RNF13: variants seen among roughly 807,000 people sequenced by gnomAD.
RNF13 encodes the protein E3 ubiquitin-protein ligase RNF13.
A neutral mutation model predicts 37.7 loss-of-function variants in RNF13; 19 were observed. That is an observed-to-expected ratio of 0.50 (90% CI 0.35 to 0.74). The LOEUF (loss-of-function observed/expected upper bound fraction) is 0.74, where lower values mean the gene tolerates loss of function less well. RNF13 is among the 30% of genes least tolerant of loss of function. The pLI is 0.01. For synonymous variants in RNF13, 144 were observed against 157.8 expected (o/e 0.91, Z 0.65); for missense variants, 375 against 453.0 (o/e 0.83, Z 1.56).
At chr3:149,949,929 A>G (rs565473710) in intron 8 of RNF13, among the ~76,000 whole-genome samples, 1 of 152,032 alleles carries the variant, frequency 6.6e-6, no homozygotes, top group African/African-American at 2.4e-5. Flanking sequence ...CATTATGCAT[A>G]TGCTACATTT....
rs375684227 is a variant in RNF13 at position 149,900,856 on chromosome 3, TGAGA to T, written c.410-1205_410-1202del. ...GCGCATGTGTGCGTGTGTGTGTGTG[TGAGA>T]GAGAGAGAGAATGTATGAGAGTTGA... On this transcript the variant is annotated intron_variant, in intron 5 of 9. Coordinates refer to ENST00000392894, the MANE Select transcript of RNF13 (RefSeq NM_183381.3). 1.4e-3 allele frequency among the ~76,000 whole-genome samples: 212 copies of T among 151,606 alleles called. 1 individual carries two copies. Among genetic ancestry groups the T allele is most frequent in the Middle Eastern group, 6.9e-3 (2 of 290 alleles).
At chr3:149,842,966 G>T (rs1279887382) in intron 1 of RNF13, among the ~76,000 whole-genome samples, 1 of 152,144 alleles carries the variant, frequency 6.6e-6, no homozygotes, top group Non-Finnish European at 1.5e-5. Flanking sequence ...AAAACAGTAT[G>T]CACAGTGTGC....
At chr3:149,858,099 A>G (rs1439020704) in intron 3 of RNF13, among the ~76,000 whole-genome samples, 1 of 152,128 alleles carries the variant, frequency 6.6e-6, no homozygotes, top group Non-Finnish European at 1.5e-5. Flanking sequence ...ACATATGCCC[A>G]CTTCTCCTTT....
intron 4 of RNF13, among the ~76,000 whole-genome samples, chr3:149,884,359 C>A (rs532164620): frequency 6.6e-6 from 1 of 151,780 alleles, no homozygotes; most frequent in East Asian, 1.9e-4. Flanking sequence ...AGGTATAACC[C>A]TTCTAGGGTG....
chr3:149,850,429 A>G (rs566860234), intron 2 of RNF13, among the ~76,000 whole-genome samples: 1 of 152,344 alleles, frequency 6.6e-6, no homozygotes, highest in African/African-American at 2.4e-5. Flanking sequence ...TTAAGAGACA[A>G]TATGAAACAA....
intron 8 of RNF13, among the ~76,000 whole-genome samples, chr3:149,934,759 G>A (rs1160975071): frequency 1.3e-5 from 2 of 151,734 alleles, no homozygotes; most frequent in African/African-American, 4.8e-5. Context: ...AAGTAGCTGA[G>A]AGTACAGGCA....
chr3:149,835,163 A>G (rs1166028938), intron 1 of RNF13, among the ~76,000 whole-genome samples: 1 of 152,210 alleles, frequency 6.6e-6, no homozygotes, highest in East Asian at 1.9e-4. Context: ...AAAAAAATAG[A>G]TGTTTGACTT....
intron 3 of RNF13, among the ~76,000 whole-genome samples, chr3:149,858,176 T>C (rs1174306348): frequency 6.6e-6 from 1 of 152,222 alleles, no homozygotes; most frequent in African/African-American, 2.4e-5. Context: ...GCCATGCTTC[T>C]TAAACAGCCT....
At chr3:149,835,908 G>A (rs1324516057) in intron 1 of RNF13, among the ~76,000 whole-genome samples, 2 of 139,842 alleles carry the variant, frequency 1.4e-5, no homozygotes. Context: ...TGGATTCCCA[G>A]TACTGGGATT....
intron 8 of RNF13, among the ~76,000 whole-genome samples, chr3:149,925,985 G>T (rs1429280620): frequency 6.6e-6 from 1 of 151,982 alleles, no homozygotes; most frequent in Non-Finnish European, 1.5e-5. Flanking sequence ...CACATTATTT[G>T]CCAGTTGGAT....
At chr3:149,863,386 T>G (rs928568162) in intron 3 of RNF13, among the ~76,000 whole-genome samples, 5 of 152,186 alleles carry the variant, frequency 3.3e-5, no homozygotes, top group African/African-American at 1.2e-4. Context: ...TTGATTCTTT[T>G]TTTTATTTTT....
chr3:149,872,020 C>A lies in RNF13; in HGVS notation c.196-9C>A. 1 of 1,578,366 alleles carries A rather than the reference C, an allele frequency of 6.3e-7. No homozygotes were observed. ...AACAGAGAGATAATTTTTACCAATT[C>A]TTTTTCAGGGTTTTTTGATTAACTC... On this transcript the variant is annotated splice_polypyrimidine_tract_variant and intron_variant, in intron 3 of 9. Coordinates refer to ENST00000392894, the MANE Select transcript of RNF13 (RefSeq NM_183381.3).
intron 1 of RNF13, among the ~76,000 whole-genome samples, chr3:149,827,655 T>C (rs1216391684): frequency 6.6e-6 from 1 of 152,144 alleles, no homozygotes; most frequent in Non-Finnish European, 1.5e-5. Flanking sequence ...ATAACAAGTA[T>C]TATAGTGTGA....
chr3:149,834,871 C>T (rs114969832), intron 1 of RNF13, among the ~76,000 whole-genome samples: 1,893 of 152,212 alleles, frequency 0.012, 35 homozygotes, highest in African/African-American at 0.044. Context: ...TCCTTTATAG[C>T]GACACAAATG....
intron 1 of RNF13, among the ~76,000 whole-genome samples, chr3:149,821,402 T>A (rs1042670494): frequency 6.6e-6 from 1 of 152,190 alleles, no homozygotes; most frequent in Non-Finnish European, 1.5e-5. Flanking sequence ...TTGATTTGCG[T>A]TTCCCAGATT....
At chr3:149,830,979 CA>C (rs1227621190) in intron 1 of RNF13, among the ~76,000 whole-genome samples, 1 of 152,250 alleles carries the variant, frequency 6.6e-6, no homozygotes, top group Non-Finnish European at 1.5e-5. Flanking sequence ...CAAGCATTGA[CA>C]GCTTCCACGT....
At chr3:149,897,335 A>G (rs959075365) in intron 5 of RNF13, among the ~76,000 whole-genome samples, 1 of 152,248 alleles carries the variant, frequency 6.6e-6, no homozygotes, top group Non-Finnish European at 1.5e-5. Context: ...TTTGGATTGA[A>G]CAAATTGATT....
chr3:149,818,703 A>G (rs757174880), intron 1 of RNF13, among the ~76,000 whole-genome samples: 2 of 152,116 alleles, frequency 1.3e-5, no homozygotes, highest in Non-Finnish European at 2.9e-5. Context: ...ACTTGAGACC[A>G]GAGTTCGAGG....
chr3:149,837,894 A>G (rs1721788010), intron 1 of RNF13, among the ~76,000 whole-genome samples: 1 of 152,108 alleles, frequency 6.6e-6, no homozygotes. Context: ...CTCATCTGAG[A>G]CAAGGCAAGT....
Sources: gnomAD v4.1 joint callset for allele counts (sites outside exome capture counted in the v4.1 genomes callset) on GRCh38, gnomAD v4.1.1 for gene constraint, MANE v1.5 for transcripts, NCBI Gene and HGNC (gene_info 2026-07-23, HGNC 2026-07-21) for gene names.